The following CNTLN variants were observed in gnomAD, a reference collection of about 807,000 sequenced individuals.
CNTLN encodes the protein centlein.
In CNTLN, 212 loss-of-function variants were observed where a neutral mutation model predicts 180.0. The ratio of observed to expected loss-of-function variants is 1.18; its 90% CI spans 1.05 to 1.32. The LOEUF is 1.32. Ranked by LOEUF, CNTLN falls within the 40% of genes most tolerant of loss-of-function variation. The probability of loss-of-function intolerance (pLI) is 0.00; values close to 1 mark genes in which losing one functional copy is unlikely to be tolerated. For synonymous variants in CNTLN, 722 were observed against 563.1 expected, an observed-to-expected ratio of 1.28 and a Z score of -3.99; for missense variants, 2,095 against 1,610.9, an observed-to-expected ratio of 1.30 and a Z score of -5.14.
rs192756977 is a variant in CNTLN at position 17,267,760 on chromosome 9, A to G, written c.850-5973A>G. Among the ~76,000 whole-genome samples, 28 of 151,856 alleles carry G rather than the reference A, an allele frequency of 1.8e-4. No individual in the cohort carries two copies. In the East Asian group the frequency reaches 5.2e-3, roughly 28 times the overall value. On this transcript the variant is annotated intron_variant, in intron 5 of 25. Coordinates refer to ENST00000380647, the MANE Select transcript of CNTLN (RefSeq NM_017738.4). ...TTTCTTTTTATTCTTTTTTCTCTAA[A>G]CTTCTCTTCTCACTTCATTTCATTC...
At chr9:17,163,634 G>A (rs1212872604) in intron 2 of CNTLN, among the ~76,000 whole-genome samples, 1 of 152,182 alleles carries the variant, frequency 6.6e-6, no homozygotes, top group African/African-American at 2.4e-5. Flanking sequence ...CTGAATAAAT[G>A]AATGAATAAC....
chr9:17,211,186 T>C (rs900699029), intron 2 of CNTLN, among the ~76,000 whole-genome samples: 3 of 152,218 alleles, frequency 2.0e-5, no homozygotes, highest in Admixed American at 6.5e-5. Flanking sequence ...TTTATGGTTT[T>C]AGGTCTAACG....
At chr9:17,243,729 T>C (rs561709816) in intron 5 of CNTLN, among the ~76,000 whole-genome samples, 3 of 152,208 alleles carry the variant, frequency 2.0e-5, no homozygotes, top group Non-Finnish European at 2.9e-5. Context: ...ATGGTGAACA[T>C]ATGGCCTATC....
chr9:17,479,634 A>G (rs1832533102), intron 23 of CNTLN, among the ~76,000 whole-genome samples: 2 of 152,192 alleles, frequency 1.3e-5, no homozygotes, highest in South Asian at 4.1e-4. Context: ...TATAGTCAAC[A>G]ATGATGTACA....
At chr9:17,322,018 A>ATAGTTG (rs1232689676) in intron 8 of CNTLN, among the ~76,000 whole-genome samples, 1 of 152,108 alleles carries the variant, frequency 6.6e-6, no homozygotes, top group African/African-American at 2.4e-5. Context: ...TATATGTGTA[A>ATAGTTG]ACTTAATTTG....
intron 10 of CNTLN, 31 bp downstream of exon 10, chr9:17,332,761 C>G: frequency 6.5e-7 from 1 of 1,530,532 alleles, no homozygotes; most frequent in Non-Finnish European, 8.8e-7. Context: ...TTAGTAGTAA[C>G]CTTGCAAAGA....
intron 5 of CNTLN, among the ~76,000 whole-genome samples, chr9:17,259,553 C>A (rs1209287144): frequency 6.7e-6 from 1 of 150,304 alleles, no homozygotes; most frequent in African/African-American, 2.5e-5. Context: ...AGGAATGGTA[C>A]CAGTTCCTCC....
intron 2 of CNTLN, among the ~76,000 whole-genome samples, chr9:17,212,689 CT>C (rs565731103): frequency 5.8e-4 from 88 of 152,136 alleles, no homozygotes; most frequent in Admixed American, 2.4e-3. Flanking sequence ...TGCTCCTGGA[CT>C]TTTTTGGTTG....
At chr9:17,312,212 T>G (rs1819179935) in intron 8 of CNTLN, among the ~76,000 whole-genome samples, 1 of 151,696 alleles carries the variant, frequency 6.6e-6, no homozygotes, top group Non-Finnish European at 1.5e-5. Context: ...TTGGATTTTC[T>G]ATTTGCTGAG....
At chr9:17,189,809 C>T (rs1016529302) in intron 2 of CNTLN, among the ~76,000 whole-genome samples, 2 of 152,010 alleles carry the variant, frequency 1.3e-5, no homozygotes, top group Non-Finnish European at 2.9e-5. Flanking sequence ...TATGATCGTT[C>T]TGGGGACTGT....
At position 17,413,067 on chromosome 9, in the gene CNTLN, G is replaced by A. The variant is rs376377730; in HGVS notation, c.2797-2721G>A. On this transcript the variant is annotated intron_variant, in intron 16 of 25. Coordinates refer to ENST00000380647, the MANE Select transcript of CNTLN (RefSeq NM_017738.4). Reference sequence around the variant, plus strand: ...TTCAGATGTCAAGACTGATGGCACCGTACACCCGCCATTATTATTCACATA... The same window carrying A: ...TTCAGATGTCAAGACTGATGGCACCATACACCCGCCATTATTATTCACATA... 3.8e-4 allele frequency among the ~76,000 whole-genome samples: 58 copies of A among 151,984 alleles called. 1 individual carries two copies. In the Middle Eastern group the frequency reaches 0.01, roughly 27 times the overall value.
intron 7 of CNTLN, among the ~76,000 whole-genome samples, chr9:17,307,042 T>C (rs1222300353): frequency 6.6e-6 from 1 of 152,150 alleles, no homozygotes; most frequent in Non-Finnish European, 1.5e-5. Flanking sequence ...CTTTAAGCTG[T>C]CAGGTTCCTA....
intron 23 of CNTLN, among the ~76,000 whole-genome samples, chr9:17,479,351 C>A (rs1037853534): frequency 2.0e-4 from 31 of 152,130 alleles, no homozygotes; most frequent in African/African-American, 6.8e-4. Flanking sequence ...CAATTGATTA[C>A]CCTTAAACAA....
chr9:17,437,017 A>G (rs1257271626), intron 18 of CNTLN, among the ~76,000 whole-genome samples: 2 of 152,306 alleles, frequency 1.3e-5, no homozygotes, highest in African/African-American at 4.8e-5. Context: ...CTGATGAAAC[A>G]CAGTGCGGTT....
intron 13 of CNTLN, among the ~76,000 whole-genome samples, chr9:17,373,807 A>G (rs948060717): frequency 1.7e-4 from 26 of 152,144 alleles, no homozygotes; most frequent in African/African-American, 5.3e-4. Context: ...ACCCAGAAAT[A>G]TATTCATACC....
intron 2 of CNTLN, among the ~76,000 whole-genome samples, chr9:17,187,347 T>A (rs1306400702): frequency 2.0e-5 from 3 of 152,092 alleles, no homozygotes; most frequent in Non-Finnish European, 4.4e-5. Context: ...ACCTGGTTCA[T>A]TTGATGGCAA....
At chr9:17,257,542 G>T (rs1826602031) in intron 5 of CNTLN, among the ~76,000 whole-genome samples, 1 of 151,456 alleles carries the variant, frequency 6.6e-6, no homozygotes, top group Non-Finnish European at 1.5e-5. Context: ...GATCCCTGAG[G>T]AATCGCCACA....
At chr9:17,363,292 C>A (rs151185077) in intron 12 of CNTLN, among the ~76,000 whole-genome samples, 1 of 152,104 alleles carries the variant, frequency 6.6e-6, no homozygotes, top group South Asian at 2.1e-4. Context: ...CTTGAGAAAT[C>A]GCCACACTGT....
At chr9:17,159,839 AT>A (rs1819555595) in intron 2 of CNTLN, among the ~76,000 whole-genome samples, 1 of 152,100 alleles carries the variant, frequency 6.6e-6, no homozygotes, top group African/African-American at 2.4e-5. Context: ...ATGTTTCTTC[AT>A]TTGCTGTTTG....
Sources: gnomAD v4.1 joint callset for allele counts (sites outside exome capture counted in the v4.1 genomes callset) on GRCh38, gnomAD v4.1.1 for gene constraint, MANE v1.5 for transcripts, NCBI Gene and HGNC (gene_info 2026-07-23, HGNC 2026-07-21) for gene names.